The following FAM222B variants were observed in gnomAD, a reference collection of about 807,000 sequenced individuals.
The protein encoded by FAM222B is family with sequence similarity 222 member B.
A neutral mutation model predicts 38.0 loss-of-function variants in FAM222B; 12 were observed. That is an observed-to-expected ratio of 0.32 (90% CI 0.20 to 0.51). FAM222B has a LOEUF of 0.51. FAM222B is among the 20% of genes least tolerant of loss of function. The pLI, the probability that FAM222B is intolerant of heterozygous loss-of-function variation, is 0.97. For missense variants in FAM222B, 716 were observed against 754.2 expected (o/e 0.95, Z 0.59); for synonymous variants, 329 against 317.2 (o/e 1.04, Z -0.40).
intron 1 of FAM222B, among the ~76,000 whole-genome samples, chr17:28,794,971 T>A (rs1290718836): frequency 6.6e-6 from 1 of 151,602 alleles, no homozygotes; most frequent in Non-Finnish European, 1.5e-5. Context: ...CACGCGCCTG[T>A]AATCCCAGGT....
chr17:28,763,752 G>A (rs888919975), intron 2 of FAM222B, among the ~76,000 whole-genome samples: 2 of 152,150 alleles, frequency 1.3e-5, no homozygotes, highest in African/African-American at 4.8e-5. Flanking sequence ...CTTCCATATG[G>A]AATTTTTGAG....
Position 28,759,750 on chromosome 17 carries a change from T to C in FAM222B, c.209A>G (p.Gln70Arg), listed in dbSNP as rs1221891636. ...KIFPNSVKVP[Q>R]RKHVRRTVNG... ...CACAGTACGACGAACGTGTTTCCGC[T>C]GGGGAACCTTCACACTGTTGGGGAA... Residue 70 changes from glutamine to arginine, a missense_variant, in exon 3 of 3, where the codon CAG (glutamine) becomes CGG (arginine). Transcript: ENST00000581407. The surrounding 1 kb of genome is among the most constrained non-coding windows in gnomAD (Gnocchi z 4.8). 6.2e-7 allele frequency: 1 copy of C among 1,613,782 alleles called. No individual in the cohort carries two copies. Among genetic ancestry groups the C allele is most frequent in the Non-Finnish European group, 8.5e-7 (1 of 1,179,800 alleles).
chr17:28,778,305 T>G (rs1312328895), intron 1 of FAM222B, among the ~76,000 whole-genome samples: 1 of 151,916 alleles, frequency 6.6e-6, no homozygotes, highest in African/African-American at 2.4e-5. Flanking sequence ...GTCCATGTGT[T>G]CTCACTGTTC....
intron 1 of FAM222B, among the ~76,000 whole-genome samples, chr17:28,790,884 C>CAA (rs71135852): frequency 2.9e-4 from 25 of 86,086 alleles, no homozygotes; most frequent in African/African-American, 1.2e-3. Flanking sequence ...AATTGTTTCA[C>CAA]TTTTTTTTTT....
chr17:28,764,294 A>AG (rs398030575), intron 2 of FAM222B, among the ~76,000 whole-genome samples: 1 of 142,082 alleles, frequency 7.0e-6, no homozygotes, highest in East Asian at 2.0e-4. Context: ...AAAAAAAAAA[A>AG]GGGCCGGGCA....
At chr17:28,801,451 C>CAAAAAAAAAAAA (rs766189732) in intron 1 of FAM222B, among the ~76,000 whole-genome samples, 2 of 90,304 alleles carry the variant, frequency 2.2e-5, no homozygotes, top group Non-Finnish European at 2.3e-5. Flanking sequence ...GACTCCGTCT[C>CAAAAAAAAAAAA]AAAAAAAAAA....
chr17:28,822,924 T>C (rs1350135651), intron 1 of FAM222B, among the ~76,000 whole-genome samples: 1 of 129,372 alleles, frequency 7.7e-6, no homozygotes, highest in African/African-American at 2.9e-5. Context: ...CAGGCGTGCT[T>C]CCATGCGCAG....
intron 1 of FAM222B, among the ~76,000 whole-genome samples, chr17:28,815,921 C>A (rs1011044768): frequency 4.0e-5 from 6 of 150,228 alleles, no homozygotes; most frequent in Non-Finnish European, 7.4e-5. Flanking sequence ...GAGCTGAGAT[C>A]GTGCCACTGC....
chr17:28,802,862 C>T (rs916938102), intron 1 of FAM222B: 2 of 152,394 alleles, frequency 1.3e-5, no homozygotes, highest in African/African-American at 2.4e-5. Flanking sequence ...ACTGCAAAAA[C>T]AACAACAAAG....
chr17:28,828,189 C>CAA (rs1216854566), intron 1 of FAM222B, among the ~76,000 whole-genome samples: 3 of 141,700 alleles, frequency 2.1e-5, no homozygotes, highest in African/African-American at 8.1e-5. Flanking sequence ...CGGCTCACAG[C>CAA]AACCTCCGCC....
chr17:28,757,934 C>T lies in FAM222B; in HGVS notation c.*336G>A, dbSNP rs2034785962. ...TCAACTAGGGCATTCCGTCAGCCCA[C>T]ACCTCAGTCGTCCTAAGGGAAACAG... On this transcript the variant is annotated 3_prime_UTR_variant, in exon 3 of 3. Transcript: ENST00000581407. 8.9e-6 allele frequency: 2 copies of T among 225,222 alleles called. No homozygotes were observed. The highest frequency in any genetic ancestry group is 9.1e-5 in the South Asian group (1 of 10,988). The allele number at this position is 225,222 out of a possible 1,614,324, so 14.0% of individuals were successfully genotyped here.
At chr17:28,773,478 T>C (rs1450514280) in intron 1 of FAM222B, among the ~76,000 whole-genome samples, 8 of 41,296 alleles carry the variant, frequency 1.9e-4, no homozygotes, top group Non-Finnish European at 3.8e-4. Flanking sequence ...AAACTCTGTC[T>C]CAAAAAAAAA....
intron 1 of FAM222B, among the ~76,000 whole-genome samples, chr17:28,813,973 G>A (rs2037916227): frequency 6.6e-6 from 1 of 151,928 alleles, no homozygotes; most frequent in Non-Finnish European, 1.5e-5. Flanking sequence ...ACTTTGGGAG[G>A]CCAACGTGGG....
intron 1 of FAM222B, among the ~76,000 whole-genome samples, chr17:28,790,884 CTT>C (rs60664262): frequency 0.082 from 7,015 of 85,462 alleles, 1,835 homozygotes; most frequent in African/African-American, 0.12. Context: ...AATTGTTTCA[CTT>C]TTTTTTTTTT....
chr17:28,815,285 C>T (rs1228046082), intron 1 of FAM222B, among the ~76,000 whole-genome samples: 5 of 151,450 alleles, frequency 3.3e-5, no homozygotes, highest in South Asian at 2.1e-4. Context: ...GCGATCTCGG[C>T]GCACTGCAAC....
At chr17:28,764,530 C>T (rs924743702) in intron 2 of FAM222B, among the ~76,000 whole-genome samples, 1 of 152,020 alleles carries the variant, frequency 6.6e-6, no homozygotes, top group Non-Finnish European at 1.5e-5. Context: ...AGGCGGATCA[C>T]CTGAAGTCGG....
chr17:28,756,860 T>C lies in FAM222B; in HGVS notation c.*1410A>G, dbSNP rs1029960646. The C allele has an allele frequency of 4.6e-5, 7 of 152,016 alleles. No individual in the cohort carries two copies. The highest frequency in any genetic ancestry group is 8.8e-5 in the Non-Finnish European group (6 of 67,950). The allele number at this position is 152,016 out of a possible 1,614,324, so 9.4% of individuals were successfully genotyped here. On this transcript the variant is annotated 3_prime_UTR_variant, in exon 3 of 3. Transcript: ENST00000581407. Reference sequence around the variant, plus strand: ...GAACAGTAGTGGATAGTGAACAAAATGCAAAACCTTAAATAAGAACCATCA... The same window carrying C: ...GAACAGTAGTGGATAGTGAACAAAACGCAAAACCTTAAATAAGAACCATCA...
At chr17:28,799,617 C>A (rs978842128) in intron 1 of FAM222B, among the ~76,000 whole-genome samples, 9 of 151,138 alleles carry the variant, frequency 6.0e-5, no homozygotes, top group Non-Finnish European at 1.3e-4. Flanking sequence ...CCAAAACTTT[C>A]TTTTTTTAAG....
At chr17:28,840,617 A>T (rs1598060474) in intron 1 of FAM222B, among the ~76,000 whole-genome samples, 1 of 152,222 alleles carries the variant, frequency 6.6e-6, no homozygotes, top group East Asian at 1.9e-4. Context: ...AGGTCCCCGG[A>T]GCAGCCAGAG....
Sources: allele counts gnomAD v4.1 joint callset (sites outside exome capture counted in the v4.1 genomes callset), GRCh38; gene constraint gnomAD v4.1.1; non-coding constraint Gnocchi (gnomAD v3.1); transcripts MANE v1.5; gene names NCBI Gene and HGNC (gene_info 2026-07-23, HGNC 2026-07-21).